Variants in BLNK observed in about 807,000 individuals in gnomAD.
BLNK encodes the protein B cell linker, also known as B-cell linker protein.
Under a neutral mutation model 73.5 loss-of-function variants are expected in BLNK, and 29 were observed. The ratio of observed to expected loss-of-function variants is 0.39; its 90% CI spans 0.29 to 0.54. The LOEUF (loss-of-function observed/expected upper bound fraction) is 0.54. BLNK is among the 20% of genes least tolerant of loss of function. The probability of loss-of-function intolerance (pLI) is 0.61; values close to 1 mark genes in which losing one functional copy is unlikely to be tolerated. For missense variants in BLNK, 460 were observed against 562.8 expected, an observed-to-expected ratio of 0.82 and a Z score of 1.85; for synonymous variants, 176 against 200.8, an observed-to-expected ratio of 0.88 and a Z score of 1.04.
intron 3 of BLNK, among the ~76,000 whole-genome samples, chr10:96,237,566 G>C (rs143035658): frequency 1.7e-3 from 252 of 152,270 alleles, no homozygotes; most frequent in Middle Eastern, 0.014. Context: ...TGGGGCATCT[G>C]CAGTGATCCC....
intron 1 of BLNK, among the ~76,000 whole-genome samples, chr10:96,269,584 C>G (rs1165955898): frequency 6.6e-6 from 1 of 152,086 alleles, no homozygotes; most frequent in African/African-American, 2.4e-5. Context: ...AAGCGCTCCT[C>G]CCTCCCACCA....
intron 8 of BLNK, 80 bp downstream of exon 8, chr10:96,215,241 A>G: frequency 7.1e-7 from 1 of 1,416,814 alleles, no homozygotes; most frequent in African/African-American, 1.4e-5. Flanking sequence ...TGGAAATACA[A>G]GTGATTACTC....
rs144294332 is a variant in BLNK at position 96,205,758 on chromosome 10, G to A, written c.818-1142C>T. Reference sequence around the variant, plus strand: ...CTCTTGAAATAAATAACAAAGGAGGGGGCATGCCTGGCAGGCTCCTGTACT... The same window carrying A: ...CTCTTGAAATAAATAACAAAGGAGGAGGCATGCCTGGCAGGCTCCTGTACT... On this transcript the variant is annotated intron_variant, in intron 11 of 16. Coordinates refer to ENST00000224337, the MANE Select transcript of BLNK (RefSeq NM_013314.4). Among the ~76,000 whole-genome samples, 1,377 of 152,254 alleles carry A rather than the reference G, an allele frequency of 9.0e-3. 15 individuals are homozygous for A. Among genetic ancestry groups the A allele is most frequent in the Non-Finnish European group, 0.011 (722 of 68,024 alleles).
chr10:96,208,001 C>T (rs906517260), intron 9 of BLNK, 102 bp from the exon 10 acceptor site: 9 of 1,260,602 alleles, frequency 7.1e-6, no homozygotes, highest in African/African-American at 3.0e-5. Flanking sequence ...ATTATGAAAG[C>T]GATACAAGTG....
At chr10:96,229,065 A>AT (rs1411131430) in intron 4 of BLNK, among the ~76,000 whole-genome samples, 3 of 152,118 alleles carry the variant, frequency 2.0e-5, no homozygotes, top group East Asian at 1.9e-4. Flanking sequence ...TCAAGCATTC[A>AT]TTTTTTGTGT....
chr10:96,240,021 T>G, intron 3 of BLNK, among the ~76,000 whole-genome samples: 1 of 152,220 alleles, frequency 6.6e-6, no homozygotes, highest in East Asian at 1.9e-4. Flanking sequence ...AATCCTCAAA[T>G]TAAATGTCAC....
At chr10:96,244,207 G>A (rs1409954071) in intron 2 of BLNK, among the ~76,000 whole-genome samples, 2 of 152,156 alleles carry the variant, frequency 1.3e-5, no homozygotes, top group Non-Finnish European at 2.9e-5. Flanking sequence ...GTCCCATGAT[G>A]AGGTATAGAG....
intron 6 of BLNK, among the ~76,000 whole-genome samples, chr10:96,220,047 A>G (rs1268698691): frequency 2.0e-5 from 3 of 152,202 alleles, no homozygotes; most frequent in Non-Finnish European, 4.4e-5. Context: ...GGGTGGGGCG[A>G]CCAGCCTCTT....
At chr10:96,269,426 A>C (rs547375189) in intron 1 of BLNK, among the ~76,000 whole-genome samples, 78 of 152,230 alleles carry the variant, frequency 5.1e-4, no homozygotes, top group South Asian at 2.5e-3. Flanking sequence ...GAAAACAAAA[A>C]AAAAAAAACA....
intron 9 of BLNK, among the ~76,000 whole-genome samples, 165 bp downstream of exon 9, chr10:96,209,673 C>A (rs1250927375): frequency 6.6e-6 from 1 of 152,158 alleles, no homozygotes; most frequent in African/African-American, 2.4e-5. Flanking sequence ...GATGACAGGC[C>A]TGAGCCACCA....
intron 1 of BLNK, among the ~76,000 whole-genome samples, chr10:96,257,412 G>A (rs955555425): frequency 5.3e-5 from 8 of 152,198 alleles, no homozygotes; most frequent in African/African-American, 1.7e-4. Flanking sequence ...TGACAGCGTG[G>A]TACCAAAGGC....
In BLNK at chr10:96,224,928, C is replaced by A. The variant is rs2084283995; in HGVS notation, c.362-939G>T. On this transcript the variant is annotated intron_variant, in intron 5 of 16. Transcript: ENST00000224337. ...GGCCAGGCTGGTTTTGAACTCCTGA[C>A]CCCAAGTGATTCACCCACCTCAGCC... 2.0e-5 allele frequency among the ~76,000 whole-genome samples: 3 copies of A among 152,176 alleles called. No individual in the cohort carries two copies. The East Asian group carries it at 5.8e-4, about 29-fold the overall frequency.
chr10:96,230,672 C>A, intron 4 of BLNK, 122 bp downstream of exon 4: 2 of 1,205,890 alleles, frequency 1.7e-6, no homozygotes, highest in Admixed American at 2.0e-5. Context: ...TGTAGGTGAC[C>A]TTTCCAAGTC....
intron 4 of BLNK, among the ~76,000 whole-genome samples, chr10:96,230,319 G>A (rs889763272): frequency 6.6e-6 from 1 of 152,104 alleles, no homozygotes; most frequent in African/African-American, 2.4e-5. Context: ...CTGAATTGTG[G>A]AACTGCAAGT....
At chr10:96,210,465 C>T (rs782244067) in intron 8 of BLNK, among the ~76,000 whole-genome samples, 4 of 152,358 alleles carry the variant, frequency 2.6e-5, no homozygotes, top group African/African-American at 4.8e-5. Flanking sequence ...GGGCTTTCGC[C>T]GACAGGTTTT....
chr10:96,247,494 A>T (rs988169362), intron 1 of BLNK, among the ~76,000 whole-genome samples: 1 of 152,236 alleles, frequency 6.6e-6, no homozygotes, highest in Non-Finnish European at 1.5e-5. Flanking sequence ...AAAGAAAATG[A>T]CTATTAAATC....
In BLNK at chr10:96,190,235, A is replaced by T. The variant is rs1404553257; in HGVS notation, c.*1738T>A. ...AATCTTCCATCAGGTGGCGGCACAC[A>T]CTTAGGTGGGAGAGAAAGCAGACGG... On this transcript the variant is annotated 3_prime_UTR_variant, in exon 17 of 17. Coordinates refer to ENST00000224337, the MANE Select transcript of BLNK (RefSeq NM_013314.4). 2.7e-5 allele frequency: 20 copies of T among 747,344 alleles called. No individual in the cohort carries two copies. In the African/African-American group the frequency reaches 3.1e-4, roughly 11 times the overall value. The allele number at this position is 747,344 out of a possible 1,614,324, so 46.3% of individuals were successfully genotyped here. A position where few individuals can be genotyped will look rare whatever the true frequency, so the allele number is the denominator to read the frequency against.
At chr10:96,208,010 T>A (rs888619829) in intron 9 of BLNK, 111 bp from the exon 10 acceptor site, 10 of 1,156,428 alleles carry the variant, frequency 8.6e-6, no homozygotes, top group African/African-American at 7.6e-5. Context: ...GCGATACAAG[T>A]GTGTAGAAGA....
intron 4 of BLNK, among the ~76,000 whole-genome samples, chr10:96,229,703 C>G (rs1210992821): frequency 1.4e-5 from 2 of 142,660 alleles, no homozygotes; most frequent in Admixed American, 7.1e-5. Context: ...TGTGCACGCG[C>G]GTGCGCAGCC....
Sources: allele counts gnomAD v4.1 joint callset (sites outside exome capture counted in the v4.1 genomes callset), GRCh38; gene constraint gnomAD v4.1.1; transcripts MANE v1.5; gene names NCBI Gene and HGNC (gene_info 2026-07-23, HGNC 2026-07-21).